PSMA6: variants seen among roughly 807,000 people sequenced by gnomAD.
PSMA6 encodes the protein proteasome 20S subunit alpha 6.
For synonymous variants in PSMA6, 88 were observed against 97.7 expected (o/e 0.90, Z 0.59); for missense variants, 170 against 294.8 (o/e 0.58, Z 3.10).
At position 35,317,159 on chromosome 14, in the gene PSMA6, A is replaced by G. The variant is rs953000602; in HGVS notation, c.684-90A>G. On this transcript the variant is annotated intron_variant, in intron 6 of 6. Coordinates refer to ENST00000261479, the MANE Select transcript of PSMA6 (RefSeq NM_002791.3). ...TAATTGTTAAAGTAGGTTGATAGGT[A>G]TATGGGAGTTTATTATACTATCCCA... is the stretch of plus-strand genomic sequence containing the variant. The G allele has an allele frequency of 8.9e-6, 8 of 901,956 alleles. No individual in the cohort carries two copies. The African/African-American group carries it at 1.3e-4, about 15-fold the overall frequency. 55.9% of individuals were successfully genotyped at this position (901,956 alleles called of 1,614,324 possible).
intron 1 of PSMA6, among the ~76,000 whole-genome samples, chr14:35,305,590 G>T (rs1354483451): frequency 6.6e-6 from 1 of 152,204 alleles, no homozygotes; most frequent in East Asian, 1.9e-4. Flanking sequence ...TTCTTAGCTG[G>T]TCGTCATCAC....
At chr14:35,278,612 G>A, upstream of PSMA6, 1 of 1,404,578 alleles carries the variant, frequency 7.1e-7, no homozygotes, top group Non-Finnish European at 9.7e-7. Context: ...TTCCATCCAT[G>A]CGGCTCTGCT....
rs1452623705 is a variant in PSMA6, at chr14:35,278,787, C to T, written c.19+69C>T. On this transcript the variant is annotated intron_variant, in intron 1 of 6. Coordinates refer to the PSMA6 transcript ENST00000540871. ...ACTGATTCTTTGAAAATAAATCATT[C>T]TTATATTTTATTCCTCTTTACAATG... 3.3e-6 allele frequency: 5 copies of T among 1,495,066 alleles called. No homozygotes were observed. The African/African-American group carries it at 6.9e-5, about 21-fold the overall frequency. The allele number at this position is 1,495,066 out of a possible 1,614,324, so 92.6% of individuals were successfully genotyped here. A position where few individuals can be genotyped will look rare whatever the true frequency, so the allele number is the denominator to read the frequency against.
At chr14:35,281,747 A>G (rs2051367808) in intron 1 of PSMA6, among the ~76,000 whole-genome samples, 1 of 152,032 alleles carries the variant, frequency 6.6e-6, no homozygotes. Flanking sequence ...TTTCTTCCCT[A>G]GGTTACTTAA....
intron 1 of PSMA6, among the ~76,000 whole-genome samples, chr14:35,297,223 T>G (rs1271077957): frequency 6.6e-6 from 1 of 151,350 alleles, no homozygotes; most frequent in Non-Finnish European, 1.5e-5. Context: ...TTTATTTTTA[T>G]TTTTTTGGGG....
chr14:35,290,307 A>G (rs2051463731), upstream of PSMA6, among the ~76,000 whole-genome samples: 1 of 152,172 alleles, frequency 6.6e-6, no homozygotes, highest in Non-Finnish European at 1.5e-5. Context: ...GAATTACAGT[A>G]TACCAGGCTC....
intron 2 of PSMA6, 28 bp from the exon 3 acceptor site, chr14:35,308,886 A>G: frequency 6.6e-7 from 1 of 1,524,624 alleles, no homozygotes; most frequent in Non-Finnish European, 9.0e-7. Flanking sequence ...TTTTTTAAAA[A>G]ATTATCTTTG....
At chr14:35,284,654 A>G (rs934847729) in intron 1 of PSMA6, among the ~76,000 whole-genome samples, 2 of 152,202 alleles carry the variant, frequency 1.3e-5, no homozygotes, top group African/African-American at 4.8e-5. Flanking sequence ...TCTAATGCCT[A>G]CTTCTCCTTT....
At chr14:35,279,948 C>A (rs970253944) in intron 1 of PSMA6, among the ~76,000 whole-genome samples, 1 of 150,542 alleles carries the variant, frequency 6.6e-6, no homozygotes, top group Non-Finnish European at 1.5e-5. Context: ...CACGGTGAAA[C>A]CCCGTCTCTA....
At chr14:35,310,006 A>G (rs1389675393) in intron 3 of PSMA6, among the ~76,000 whole-genome samples, 9 of 151,916 alleles carry the variant, frequency 5.9e-5, no homozygotes, top group Admixed American at 5.3e-4. Context: ...ATGGTGGCAC[A>G]TACCTGTAGT....
upstream of PSMA6, among the ~76,000 whole-genome samples, chr14:35,291,548 G>A (rs1230743951): frequency 6.6e-6 from 1 of 150,994 alleles, no homozygotes; most frequent in Non-Finnish European, 1.5e-5. Context: ...AATTGCCTGG[G>A]CACTGTGGCT....
At chr14:35,293,958 C>T (rs961791477) in intron 1 of PSMA6, among the ~76,000 whole-genome samples, 1 of 152,216 alleles carries the variant, frequency 6.6e-6, no homozygotes, top group Non-Finnish European at 1.5e-5. Context: ...AAAGGCTGAA[C>T]ACAGTGTCAT....
intron 1 of PSMA6, among the ~76,000 whole-genome samples, chr14:35,294,823 G>C (rs911283084): frequency 6.6e-6 from 1 of 151,590 alleles, no homozygotes; most frequent in Non-Finnish European, 1.5e-5. Flanking sequence ...TCTAAATACT[G>C]TCTGTTTGTA....
intron 1 of PSMA6, among the ~76,000 whole-genome samples, chr14:35,298,723 A>T (rs1363503837): frequency 2.1e-5 from 3 of 145,598 alleles, no homozygotes; most frequent in African/African-American, 8.2e-5. Flanking sequence ...TTTTATCTTT[A>T]TTTCTTTATT....
Position 35,292,442 on chromosome 14 carries a change from C to G in PSMA6, c.-35C>G, listed in dbSNP as rs1414792491. 3 of 1,600,184 alleles carry G rather than the reference C, an allele frequency of 1.9e-6. No individual in the cohort carries two copies. The highest frequency in any genetic ancestry group is 1.7e-6 in the Non-Finnish European group (2 of 1,173,484). On this transcript the variant is annotated 5_prime_UTR_variant, in exon 1 of 7. Transcript: ENST00000261479. ...GTGCCTGGTGCGGGAGCTACGGGGCCCAGGGATTGTGTTTAAAGTAGTGCT... is the reference window on the plus strand; with the variant it reads ...GTGCCTGGTGCGGGAGCTACGGGGCGCAGGGATTGTGTTTAAAGTAGTGCT...
chr14:35,286,422 C>T (rs762322575), intron 1 of PSMA6, among the ~76,000 whole-genome samples: 1 of 152,138 alleles, frequency 6.6e-6, no homozygotes, highest in African/African-American at 2.4e-5. Context: ...TTGTTTCTTC[C>T]AGTATTGTGG....
At chr14:35,309,398 C>A (rs978829846) in intron 3 of PSMA6, among the ~76,000 whole-genome samples, 28 of 152,064 alleles carry the variant, frequency 1.8e-4, no homozygotes, top group African/African-American at 6.8e-4. Flanking sequence ...AGTTGTAATC[C>A]CAGCACTTTG....
At position 35,312,914 on chromosome 14, in the gene PSMA6, G is replaced by A. The variant is rs776315295; in HGVS notation, c.443G>A (p.Gly148Asp). 62 of 1,595,606 alleles carry A rather than the reference G, an allele frequency of 3.9e-5. No homozygotes were observed. The highest frequency in any genetic ancestry group is 5.4e-5 in the Admixed American group (3 of 55,708). ...TTAATTGGTATAGATGAAGAGCAAG[G>A]CCCTCAGGTATATAAGTGTGATCCT... ...MILIGIDEEQ[G>D]PQVYKCDPAG... The change falls in exon 5 of 7, where the codon GGC (glycine) becomes GAC (aspartate). Residue 148 changes from glycine (G) to aspartate (D), a missense_variant. By Grantham distance (94) the Gly-to-Asp change is moderately conservative. Coordinates refer to ENST00000261479, the MANE Select transcript of PSMA6 (RefSeq NM_002791.3).
chr14:35,313,742 T>A (rs1227151594), intron 5 of PSMA6: 2 of 152,246 alleles, frequency 1.3e-5, no homozygotes, highest in East Asian at 3.8e-4. Flanking sequence ...ACAGATCACC[T>A]GAGGTCAGGA....
Sources: gnomAD v4.1 joint callset for allele counts (sites outside exome capture counted in the v4.1 genomes callset) on GRCh38, gnomAD v4.1.1 for gene constraint, MANE v1.5 for transcripts, NCBI Gene and HGNC (gene_info 2026-07-23, HGNC 2026-07-21) for gene names.